Variants in AFAP1L1 observed in about 807,000 individuals in gnomAD.
AFAP1L1 encodes actin filament-associated protein 1-like 1.
A neutral mutation model predicts 99.8 loss-of-function variants in AFAP1L1; 77 were observed. The ratio of observed to expected loss-of-function variants is 0.77; its 90% CI spans 0.64 to 0.93. The LOEUF (loss-of-function observed/expected upper bound fraction) is 0.93, where lower values mean the gene tolerates loss of function less well. AFAP1L1 is among the 40% of genes least tolerant of loss of function. AFAP1L1 has a pLI of 0.00. For missense variants in AFAP1L1, 893 were observed against 996.8 expected, an observed-to-expected ratio of 0.90 and a Z score of 1.40; for synonymous variants, 373 against 395.3, an observed-to-expected ratio of 0.94 and a Z score of 0.67.
intron 17 of AFAP1L1, among the ~76,000 whole-genome samples, chr5:149,334,649 T>G (rs1757351435): frequency 6.6e-6 from 1 of 152,170 alleles, no homozygotes; most frequent in Admixed American, 6.5e-5. Context: ...TGGTAACTCA[T>G]GCCTATAATC....
rs61730364 is a variant in AFAP1L1, at chr5:149,310,126, G to A, written c.918G>A (p.Glu306=). 5.1e-5 allele frequency: 82 copies of A among 1,597,674 alleles called. No individual in the cohort carries two copies. In the African/African-American group the frequency reaches 1.0e-3, roughly 20 times the overall value. ...LALQSREQAE[E]WLKVIREVSK... ...TGCAGAGCCGAGAGCAGGCCGAGGA[G>A]TGGCTGAAGGTGCGTGGCCTGCACC... The change falls in exon 8 of 19, where the codon GAG becomes GAA. Residue 306 remains glutamate (E), a synonymous_variant. Coordinates refer to ENST00000296721, the MANE Select transcript of AFAP1L1 (RefSeq NM_152406.4).
intron 1 of AFAP1L1, among the ~76,000 whole-genome samples, chr5:149,288,524 G>A (rs13171159): frequency 8.4e-4 from 128 of 152,240 alleles, no homozygotes; most frequent in Admixed American, 1.6e-3. Context: ...GCTTCCCCAC[G>A]CCATTGGTGA....
intron 1 of AFAP1L1, among the ~76,000 whole-genome samples, chr5:149,282,856 T>C (rs1375894926): frequency 6.6e-6 from 1 of 152,188 alleles, no homozygotes; most frequent in Non-Finnish European, 1.5e-5. Context: ...AGAGTGTGTA[T>C]TCAAGAGTAG....
chr5:149,339,135 A>C (rs1409313447), intron 18 of AFAP1L1, among the ~76,000 whole-genome samples: 1 of 151,756 alleles, frequency 6.6e-6, no homozygotes, highest in East Asian at 1.9e-4. Flanking sequence ...ATAGCCATGG[A>C]CAATATGAAA....
chr5:149,322,565 C>T (rs529281747), intron 14 of AFAP1L1, 41 bp from the exon 15 acceptor site: 24 of 1,465,954 alleles, frequency 1.6e-5, no homozygotes, highest in Middle Eastern at 1.7e-4. Context: ...GATGAGTCTG[C>T]GCCTGCCTGA....
At chr5:149,329,616 T>A in intron 15 of AFAP1L1, 50 bp from the exon 16 acceptor site, 1 of 1,540,662 alleles carries the variant, frequency 6.5e-7, no homozygotes, top group Non-Finnish European at 8.7e-7. Flanking sequence ...CACAAGTACC[T>A]TTGCCAGAGG....
intron 1 of AFAP1L1, among the ~76,000 whole-genome samples, chr5:149,283,177 G>C (rs1296206106): frequency 6.6e-6 from 1 of 152,202 alleles, no homozygotes; most frequent in African/African-American, 2.4e-5. Context: ...GTTCCCGTTT[G>C]GCTTTCCACA....
At chr5:149,302,186 G>A (rs1420343469) in intron 4 of AFAP1L1, among the ~76,000 whole-genome samples, 1 of 151,906 alleles carries the variant, frequency 6.6e-6, no homozygotes, top group African/African-American at 2.4e-5. Flanking sequence ...CTGTTTGGCA[G>A]TCCACAAAAC....
In AFAP1L1 at chr5:149,299,625, C is replaced by T. The variant is rs1428288414; in HGVS notation, c.133C>T (p.Gln45Ter). ...MAVASILQSL[Q>*]PLPAKEVSYL... Reference sequence around the variant, plus strand: ...CGTGGCCTCCATCCTGCAGAGCCTGCAGCCCCTTCCAGGTTAGCCGCCAGC... The same window carrying T: ...CGTGGCCTCCATCCTGCAGAGCCTGTAGCCCCTTCCAGGTTAGCCGCCAGC... Residue 45 changes from glutamine to a stop codon, truncating the protein, a stop_gained, in exon 2 of 19, where the codon CAG becomes TAG. Transcript: ENST00000296721. LOFTEE classifies it high-confidence loss of function. The T allele has an allele frequency of 1.2e-6, 2 of 1,614,150 alleles. No homozygotes were observed. Among genetic ancestry groups the T allele is most frequent in the Admixed American group, 1.7e-5 (1 of 60,022 alleles).
Position 149,310,032 on chromosome 5 carries a change from A to G in AFAP1L1, c.824A>G (p.Lys275Arg), listed in dbSNP as rs1756570665. Residue 275 changes from lysine (K) to arginine (R), a missense_variant, in exon 8 of 19, where the codon AAG becomes AGG. By Grantham distance (26) the Lys-to-Arg change is conservative. Coordinates refer to ENST00000296721, the MANE Select transcript of AFAP1L1 (RefSeq NM_152406.4). The stretch of plus-strand genomic sequence containing the variant: ...ACCTGCAGCATCATCTACGTGCCCA[A>G]GGACAGCCGGCACAAGAGGCACGAG... ...LDTCSIIYVPKDSRHKRHELR... is the reference protein window; with the variant it reads ...LDTCSIIYVPRDSRHKRHELR... 6.2e-7 allele frequency: 1 copy of G among 1,614,096 alleles called. No individual in the cohort carries two copies. The highest frequency in any genetic ancestry group is 1.7e-5 in the Admixed American group (1 of 60,014).
chr5:149,317,975 G>T (rs758323510), intron 12 of AFAP1L1, 35 bp downstream of exon 12: 147 of 1,547,786 alleles, frequency 9.5e-5, no homozygotes, highest in Non-Finnish European at 1.2e-4. Flanking sequence ...GTGGCTCTTG[G>T]TCTGGGGACT....
At chr5:149,305,145 G>A (rs757734351) in intron 5 of AFAP1L1, among the ~76,000 whole-genome samples, 16 of 152,358 alleles carry the variant, frequency 1.1e-4, no homozygotes, top group Non-Finnish European at 8.8e-5. Context: ...AGCACATTGT[G>A]TGTGCCAGGC....
At position 149,320,291 on chromosome 5, in the gene AFAP1L1, A is replaced by T; in HGVS notation, c.1626-100A>T. ...TTTACCAATCTTCTGATCTGCCTTAAGAGTTTCTGCCAGAATCAATGAGAG... is the reference window on the plus strand; with the variant it reads ...TTTACCAATCTTCTGATCTGCCTTATGAGTTTCTGCCAGAATCAATGAGAG... On this transcript the variant is annotated intron_variant, in intron 13 of 18. Coordinates refer to ENST00000296721, the MANE Select transcript of AFAP1L1 (RefSeq NM_152406.4). The surrounding 1 kb of genome is among the most constrained non-coding windows in gnomAD (Gnocchi z 4.0). The T allele has an allele frequency of 1.7e-6, 2 of 1,184,788 alleles. No individual in the cohort carries two copies. The highest frequency in any genetic ancestry group is 1.3e-5 in the South Asian group (1 of 78,068). The allele number at this position is 1,184,788 out of a possible 1,614,324, so 73.4% of individuals were successfully genotyped here. A position where few individuals can be genotyped will look rare whatever the true frequency, so the allele number is the denominator to read the frequency against.
intron 3 of AFAP1L1, 97 bp downstream of exon 3, chr5:149,300,451 C>T (rs1432985918): frequency 1.2e-5 from 13 of 1,081,558 alleles, no homozygotes; most frequent in East Asian, 7.9e-5. Context: ...GCTCTAACAT[C>T]GCATCATTAA....
Position 149,299,471 on chromosome 5 carries a change from G to T in AFAP1L1, c.17-38G>T, listed in dbSNP as rs574831618. ...AACTCCCGGGCACAGAGCTGTGACTGTGCAGCTGTGACTGTGCCCGTCTGC... is the reference window on the plus strand; with the variant it reads ...AACTCCCGGGCACAGAGCTGTGACTTTGCAGCTGTGACTGTGCCCGTCTGC... On this transcript the variant is annotated intron_variant, in intron 1 of 18. Transcript: ENST00000296721. The T allele has an allele frequency of 4.1e-5, 66 of 1,611,814 alleles. No homozygotes were observed. In the Middle Eastern group the frequency reaches 6.7e-4, roughly 16 times the overall value.
intron 1 of AFAP1L1, among the ~76,000 whole-genome samples, 161 bp from the exon 2 acceptor site, chr5:149,299,347 GC>G (rs1266397144): frequency 2.0e-5 from 3 of 152,178 alleles, no homozygotes; most frequent in African/African-American, 7.2e-5. Context: ...CACGGGAGCT[GC>G]GTGGCAGGTC....
Position 149,340,037 on chromosome 5 carries a change from G to A in AFAP1L1, c.*7G>A, listed in dbSNP as rs377364703. ...GGAAATGAAGAAGACCTAGGAAGAG[G>A]ATGAGGATTTCATTCCAAAGGAAAT... On this transcript the variant is annotated 3_prime_UTR_variant, in exon 19 of 19. Transcript: ENST00000296721. 1.2e-6 allele frequency: 2 copies of A among 1,613,968 alleles called. No individual in the cohort carries two copies. The highest frequency in any genetic ancestry group is 2.2e-5 in the South Asian group (2 of 91,058).
chr5:149,277,423 A>G (rs1454012054), intron 1 of AFAP1L1, among the ~76,000 whole-genome samples: 2 of 152,160 alleles, frequency 1.3e-5, no homozygotes, highest in Non-Finnish European at 2.9e-5. Flanking sequence ...TGTCTTCCCT[A>G]CAGTGTCCAT....
intron 18 of AFAP1L1, among the ~76,000 whole-genome samples, chr5:149,338,399 G>A (rs995033718): frequency 6.6e-6 from 1 of 152,186 alleles, no homozygotes; most frequent in Non-Finnish European, 1.5e-5. Context: ...TGGGAGGGGT[G>A]AGGCTACAGT....
Sources: allele counts gnomAD v4.1 joint callset (sites outside exome capture counted in the v4.1 genomes callset), GRCh38; gene constraint gnomAD v4.1.1; non-coding constraint Gnocchi (gnomAD v3.1); transcripts MANE v1.5; gene names NCBI Gene and HGNC (gene_info 2026-07-23, HGNC 2026-07-21).